The following FAH variants were observed in gnomAD, a reference collection of about 807,000 sequenced individuals.
FAH encodes the protein fumarylacetoacetase.
FAH carries 47 observed loss-of-function variants against 55.8 expected under a neutral mutation model. The ratio of observed to expected loss-of-function variants is 0.84; its 90% CI spans 0.67 to 1.07. The LOEUF (loss-of-function observed/expected upper bound fraction) is 1.07, where lower values mean the gene tolerates loss of function less well. Ranked by LOEUF, FAH falls within the 50% of genes least tolerant of loss-of-function variation. The pLI is 0.00. For missense variants in FAH, 495 were observed against 545.9 expected (o/e 0.91, Z 0.93); for synonymous variants, 199 against 207.7 (o/e 0.96, Z 0.36).
At chr15:80,152,963 G>C (rs1000181141), upstream of FAH, 1 of 1,129,696 alleles carries the variant, frequency 8.9e-7, no homozygotes, top group Non-Finnish European at 1.3e-6. Context: ...GGCGGGCAGG[G>C]GGGCGGGGCC....
rs368042270 is a variant in FAH, at chr15:80,172,257, T to C, written c.706+9T>C. The C allele has an allele frequency of 7.0e-5, 110 of 1,566,530 alleles. No homozygotes were observed. In the African/African-American group the frequency reaches 1.4e-3, roughly 20 times the overall value. ...TATGAACGACTGGAGTGGTAATTACTGGAGCTCTGCTCCTGTAGAGATGAC... is the reference window on the plus strand; with the variant it reads ...TATGAACGACTGGAGTGGTAATTACCGGAGCTCTGCTCCTGTAGAGATGAC... On this transcript the variant is annotated intron_variant, in intron 8 of 13. Coordinates refer to ENST00000561421, the MANE Select transcript of FAH (RefSeq NM_000137.4).
chr15:80,176,589 A>G (rs892896733), intron 10 of FAH, among the ~76,000 whole-genome samples: 1 of 152,054 alleles, frequency 6.6e-6, no homozygotes, highest in African/African-American at 2.4e-5. Flanking sequence ...GAGGAAAAGG[A>G]TTCACCCCGA....
chr15:80,168,758 T>C (rs1310289335), intron 7 of FAH, among the ~76,000 whole-genome samples: 1 of 152,236 alleles, frequency 6.6e-6, no homozygotes, highest in Non-Finnish European at 1.5e-5. Flanking sequence ...TCATTGTTTT[T>C]TTATAATGAC....
rs374655382 is a variant in FAH at position 80,180,141 on chromosome 15, G to T, written c.978G>T (p.Met326Ile). ...GCCTGCAGTACATGTACTGGACGAT[G>T]CTGCAGCAGCTCACTCACCACTCTG... ...KSNFKYMYWT[M>I]LQQLTHHSVN... The change falls in exon 12 of 14, where the codon ATG becomes ATT. Residue 326 changes from methionine (M) to isoleucine (I), a missense_variant. Physicochemically the swap from Met to Ile is conservative, Grantham distance 10. Transcript: ENST00000561421. The T allele has an allele frequency of 6.8e-6, 11 of 1,610,346 alleles. No homozygotes were observed. In the South Asian group the frequency reaches 1.2e-4, roughly 18 times the overall value.
intron 13 of FAH, among the ~76,000 whole-genome samples, chr15:80,185,280 C>G (rs2041360697): frequency 6.6e-6 from 1 of 152,186 alleles, no homozygotes; most frequent in Admixed American, 6.5e-5. Context: ...AGGCTGTTCT[C>G]AGAGTTTTCT....
At chr15:80,152,974 G>A (rs1031291810), upstream of FAH, 69 of 1,276,438 alleles carry the variant, frequency 5.4e-5, no homozygotes, top group South Asian at 1.5e-4. Flanking sequence ...GGGCGGGGCC[G>A]GGCCTGACCA....
At chr15:80,158,959 A>T (rs2142091345) in intron 2 of FAH, among the ~76,000 whole-genome samples, 1 of 152,204 alleles carries the variant, frequency 6.6e-6, no homozygotes, top group East Asian at 1.9e-4. Flanking sequence ...TTTAAATTAA[A>T]AAACCTCTCG....
chr15:80,168,023 C>G (rs773433243), intron 5 of FAH, 29 bp from the exon 6 acceptor site: 6 of 1,559,936 alleles, frequency 3.8e-6, no homozygotes, highest in Non-Finnish European at 5.3e-6. Flanking sequence ...AGCTCTGATG[C>G]CCTGCATTCT....
intron 7 of FAH, among the ~76,000 whole-genome samples, chr15:80,170,693 CAG>C (rs917206540): frequency 3.3e-5 from 5 of 152,222 alleles, no homozygotes; most frequent in Non-Finnish European, 5.9e-5. Context: ...AGAGAAAAGA[CAG>C]AGAGTCAGCA....
At chr15:80,175,495 G>A (rs535793425) in intron 10 of FAH, among the ~76,000 whole-genome samples, 10 of 152,222 alleles carry the variant, frequency 6.6e-5, no homozygotes, top group East Asian at 3.9e-4. Context: ...GGGTCTGTTC[G>A]CTTGGCTGAG....
intron 1 of FAH, chr15:80,157,478 TG>T (rs1339629241): frequency 2.4e-5 from 4 of 165,664 alleles, no homozygotes; most frequent in African/African-American, 9.6e-5. Context: ...TTGTTGATGC[TG>T]GGATTTTGTG....
At chr15:80,161,276 T>G (rs1190792307) in intron 4 of FAH, among the ~76,000 whole-genome samples, 2 of 152,106 alleles carry the variant, frequency 1.3e-5, no homozygotes, top group African/African-American at 2.4e-5. Context: ...TTCTTGTTTT[T>G]TTTTTTTTTT....
intron 1 of FAH, chr15:80,156,813 G>T (rs2041104157): frequency 6.6e-6 from 1 of 152,214 alleles, no homozygotes; most frequent in Non-Finnish European, 1.5e-5. Flanking sequence ...CTTTTTCTGG[G>T]TCCTCAGGTC....
At chr15:80,159,453 A>T (rs1032490178) in intron 2 of FAH, among the ~76,000 whole-genome samples, 2 of 152,168 alleles carry the variant, frequency 1.3e-5, no homozygotes, top group African/African-American at 4.8e-5. Flanking sequence ...CTCTACTGGA[A>T]GAACATGGCC....
At position 80,181,119 on chromosome 15, in the gene FAH, C is replaced by T. The variant is rs2142108657; in HGVS notation, c.1140C>T (p.Thr380=). ...CCATAGACCTGGGGAATGGTCAGAC[C>T]AGGAAGTTTCTGCTGGACGGGGATG... The part of the protein sequence containing the change: ...TKPIDLGNGQ[T]RKFLLDGDEV... Residue 380 remains threonine (T), a synonymous_variant, in exon 13 of 14, where the codon ACC becomes ACT. Transcript: ENST00000561421. 1 of 1,613,840 alleles carries T rather than the reference C, an allele frequency of 6.2e-7. No individual in the cohort carries two copies. Among genetic ancestry groups the T allele is most frequent in the Non-Finnish European group, 8.5e-7 (1 of 1,179,826 alleles).
chr15:80,177,185 A>G (rs1376913120), intron 10 of FAH, among the ~76,000 whole-genome samples: 1 of 152,230 alleles, frequency 6.6e-6, no homozygotes, highest in Non-Finnish European at 1.5e-5. Context: ...TCCTTGATCA[A>G]AGGTCACAAG....
chr15:80,180,251 T>A, intron 12 of FAH, 26 bp downstream of exon 12: 1 of 1,554,976 alleles, frequency 6.4e-7, no homozygotes, highest in Non-Finnish European at 8.8e-7. Context: ...CACTGAGGGC[T>A]GCCCACGCAG....
intron 4 of FAH, among the ~76,000 whole-genome samples, chr15:80,161,458 A>ATT (rs150922223): frequency 6.8e-6 from 1 of 146,172 alleles, no homozygotes; most frequent in Non-Finnish European, 1.5e-5. Flanking sequence ...AATATCCAGC[A>ATT]TTTTTTTTTT....
chr15:80,160,881 G>A (rs1022048986), intron 4 of FAH, among the ~76,000 whole-genome samples: 2 of 152,218 alleles, frequency 1.3e-5, no homozygotes, highest in South Asian at 4.1e-4. Context: ...AGTTGGAGCT[G>A]TTGAAACTCT....
Sources: gnomAD v4.1 joint callset for allele counts (sites outside exome capture counted in the v4.1 genomes callset) on GRCh38, gnomAD v4.1.1 for gene constraint, MANE v1.5 for transcripts, NCBI Gene and HGNC (gene_info 2026-07-23, HGNC 2026-07-21) for gene names.